GPC5: variants seen among roughly 807,000 people sequenced by gnomAD.
GPC5 encodes glypican 5.
GPC5 carries 47 observed loss-of-function variants against 53.9 expected under a neutral mutation model. The observed-to-expected ratio is 0.87, with a 90% CI of 0.69 to 1.11. The LOEUF (loss-of-function observed/expected upper bound fraction) is 1.11. Ranked by LOEUF, GPC5 falls within the 50% of genes most tolerant of loss-of-function variation. The pLI is 0.00. For missense variants in GPC5, 748 were observed against 713.1 expected, an observed-to-expected ratio of 1.05 and a Z score of -0.56; for synonymous variants, 286 against 263.3, an observed-to-expected ratio of 1.09 and a Z score of -0.84.
At chr13:91,538,103 C>T in intron 2 of GPC5, among the ~76,000 whole-genome samples, 1 of 152,196 alleles carries the variant, frequency 6.6e-6, no homozygotes, top group East Asian at 1.9e-4. Flanking sequence ...ATAAATTCTT[C>T]ATTAAAGTAT....
At chr13:92,855,896 C>T (rs1038923286) in intron 7 of GPC5, among the ~76,000 whole-genome samples, 17 of 151,968 alleles carry the variant, frequency 1.1e-4, no homozygotes, top group African/African-American at 3.9e-4. Flanking sequence ...AAGCCTTGCA[C>T]CAGATGGATT....
chr13:92,015,527 T>C (rs1926490), intron 6 of GPC5, among the ~76,000 whole-genome samples: 133,982 of 152,154 alleles, frequency 0.88, 61,557 homozygotes, highest in East Asian at 1. Flanking sequence ...TGTAGATACA[T>C]TTTTATCTAC....
chr13:91,533,327 T>C (rs560409673), intron 2 of GPC5, among the ~76,000 whole-genome samples: 2 of 152,362 alleles, frequency 1.3e-5, no homozygotes, highest in African/African-American at 4.8e-5. Flanking sequence ...ATCATTGGGC[T>C]TGAGAAAATT....
At chr13:91,659,468 G>A (rs2034930491) in intron 2 of GPC5, among the ~76,000 whole-genome samples, 3 of 152,190 alleles carry the variant, frequency 2.0e-5, no homozygotes, top group Non-Finnish European at 1.5e-5. Flanking sequence ...TGGTCACATA[G>A]CACAGCTCTG....
intron 6 of GPC5, among the ~76,000 whole-genome samples, chr13:91,944,181 C>T (rs1308374814): frequency 6.6e-6 from 1 of 151,852 alleles, no homozygotes; most frequent in African/African-American, 2.4e-5. Flanking sequence ...CTGCAAGCTC[C>T]GCCTCCTGGG....
intron 7 of GPC5, among the ~76,000 whole-genome samples, chr13:92,396,217 G>A (rs1266094484): frequency 1.3e-5 from 2 of 152,016 alleles, no homozygotes; most frequent in Non-Finnish European, 2.9e-5. Flanking sequence ...ACTGACTTAT[G>A]GCAAGCTCAC....
intron 7 of GPC5, among the ~76,000 whole-genome samples, chr13:92,246,890 A>G (rs1433588005): frequency 1.3e-5 from 2 of 152,150 alleles, no homozygotes; most frequent in African/African-American, 4.8e-5. Flanking sequence ...TGAATCTTTT[A>G]ATTAACTATG....
At chr13:91,845,029 T>C (rs2038832570) in intron 5 of GPC5, among the ~76,000 whole-genome samples, 2 of 152,336 alleles carry the variant, frequency 1.3e-5, no homozygotes, top group East Asian at 3.9e-4. Context: ...ACGGGACTTA[T>C]TCATATAACC....
chr13:91,886,271 T>C (rs929572047), intron 5 of GPC5, among the ~76,000 whole-genome samples: 5 of 152,102 alleles, frequency 3.3e-5, no homozygotes, highest in Non-Finnish European at 7.4e-5. Flanking sequence ...GTGAGACTTA[T>C]TCACTATCAT....
chr13:92,129,060 CA>C (rs1278121311), intron 6 of GPC5, among the ~76,000 whole-genome samples: 10 of 152,162 alleles, frequency 6.6e-5, no homozygotes, highest in Non-Finnish European at 1.5e-4. Context: ...AAAACATGGC[CA>C]ACCCCCTTGT....
intron 1 of GPC5, among the ~76,000 whole-genome samples, chr13:91,405,728 C>T (rs1289021242): frequency 6.6e-6 from 1 of 152,254 alleles, no homozygotes; most frequent in East Asian, 1.9e-4. Context: ...ATCCTACACT[C>T]CAATGAACCG....
At chr13:92,246,697 T>C (rs2042653582) in intron 7 of GPC5, among the ~76,000 whole-genome samples, 1 of 152,092 alleles carries the variant, frequency 6.6e-6, no homozygotes, top group Non-Finnish European at 1.5e-5. Flanking sequence ...CCTCAAACAG[T>C]ATAGAGTTCC....
intron 2 of GPC5, among the ~76,000 whole-genome samples, chr13:91,484,982 A>C (rs911576724): frequency 1.3e-5 from 2 of 152,268 alleles, no homozygotes; most frequent in Non-Finnish European, 2.9e-5. Context: ...TCTACAGACC[A>C]GTAAGATGTG....
rs374424046 is a variant in GPC5 at position 91,607,307 on chromosome 13, C to T, written c.326-85880C>T. 3.9e-4 allele frequency among the ~76,000 whole-genome samples: 60 copies of T among 152,248 alleles called. 2 individuals carry two copies. The South Asian group carries it at 0.012, about 30-fold the overall frequency. On this transcript the variant is annotated intron_variant, in intron 2 of 7. Coordinates refer to ENST00000377067, the MANE Select transcript of GPC5 (RefSeq NM_004466.6). ...GTGGAGTTTGCTGAAGCAGGCATTT[C>T]GTAAGTCTTTACGTTCTTAGAAGAT...
At chr13:91,410,159 T>C (rs1877612768) in intron 1 of GPC5, among the ~76,000 whole-genome samples, 1 of 152,152 alleles carries the variant, frequency 6.6e-6, no homozygotes, top group African/African-American at 2.4e-5. Context: ...GCTTGTCCCT[T>C]TTCCCTTTCA....
rs557498970 is a variant in GPC5 at position 91,570,078 on chromosome 13, A to T, written c.325+121156A>T. Among the ~76,000 whole-genome samples the T allele has an allele frequency of 2.5e-3, 379 of 152,328 alleles. 2 individuals are homozygous for T. The highest frequency in any genetic ancestry group is 8.7e-3 in the African/African-American group (361 of 41,582). On this transcript the variant is annotated intron_variant, in intron 2 of 7. Coordinates refer to ENST00000377067, the MANE Select transcript of GPC5 (RefSeq NM_004466.6). ...AAATGATTAAACAGAAAATGCATAAAAGATATACTCATATATTAAGCTACA... is the reference window on the plus strand; with the variant it reads ...AAATGATTAAACAGAAAATGCATAATAGATATACTCATATATTAAGCTACA...
intron 2 of GPC5, among the ~76,000 whole-genome samples, chr13:91,467,367 G>A (rs1882305485): frequency 6.6e-6 from 1 of 152,204 alleles, no homozygotes; most frequent in African/African-American, 2.4e-5. Context: ...CCACAGCCAA[G>A]TGTGGGGTGA....
intron 3 of GPC5, among the ~76,000 whole-genome samples, chr13:91,709,395 C>T (rs1472363209): frequency 1.3e-5 from 2 of 152,188 alleles, no homozygotes; most frequent in African/African-American, 2.4e-5. Context: ...TGGCACCACT[C>T]GTAATACTCC....
At chr13:92,547,556 T>C (rs1325002222) in intron 7 of GPC5, among the ~76,000 whole-genome samples, 3 of 152,164 alleles carry the variant, frequency 2.0e-5, no homozygotes, top group African/African-American at 7.2e-5. Context: ...ATTATCTTCT[T>C]ATACATTGTG....
Sources: allele counts gnomAD v4.1 joint callset (sites outside exome capture counted in the v4.1 genomes callset), GRCh38; gene constraint gnomAD v4.1.1; transcripts MANE v1.5; gene names NCBI Gene and HGNC (gene_info 2026-07-23, HGNC 2026-07-21).